SENP7: variants seen among roughly 807,000 people sequenced by gnomAD.
SENP7 encodes the protein sentrin-specific protease 7.
Under a neutral mutation model 141.2 loss-of-function variants are expected in SENP7, and 64 were observed. The ratio of observed to expected loss-of-function variants is 0.45; its 90% CI spans 0.37 to 0.56. The LOEUF (loss-of-function observed/expected upper bound fraction) is 0.56, where lower values mean the gene tolerates loss of function less well. SENP7 is among the 20% of genes least tolerant of loss of function. The pLI is 0.00. For missense variants in SENP7, 1,025 were observed against 1,212.2 expected, an observed-to-expected ratio of 0.85 and a Z score of 2.29; for synonymous variants, 382 against 426.4, an observed-to-expected ratio of 0.90 and a Z score of 1.28.
Position 101,493,876 on chromosome 3 carries a change from C to T in SENP7, c.183G>A (p.Leu61=), listed in dbSNP as rs1210434755. 1 of 1,574,046 alleles carries T rather than the reference C, an allele frequency of 6.4e-7. No individual in the cohort carries two copies. Among genetic ancestry groups the T allele is most frequent in the Admixed American group, 1.7e-5 (1 of 59,644 alleles). ...FRSSERWTLP[L]QWERSLRNKV... is the part of the protein sequence containing the mutation. ...ATAAATTAATTTTATTTACCACCTG[C>T]AAAGGGAGAGTCCAGCGTTCTGAGC... is the stretch of plus-strand genomic sequence containing the variant. Residue 61 remains leucine (L), a synonymous_variant, in exon 3 of 24, where the codon TTG becomes TTA. Transcript: ENST00000394095.
chr3:101,332,952 T>A, intron 17 of SENP7, 90 bp from the exon 18 acceptor site: 1 of 1,234,384 alleles, frequency 8.1e-7, no homozygotes, highest in Non-Finnish European at 1.1e-6. Context: ...TGAAATATCT[T>A]AAATTTAGTT....
chr3:101,412,945 T>C (rs2061496419), intron 5 of SENP7, among the ~76,000 whole-genome samples: 1 of 152,168 alleles, frequency 6.6e-6, no homozygotes, highest in Non-Finnish European at 1.5e-5. Flanking sequence ...CTTTTCTCCA[T>C]TACTTACAAG....
intron 4 of SENP7, among the ~76,000 whole-genome samples, chr3:101,442,883 G>A (rs1373774874): frequency 6.6e-6 from 1 of 152,084 alleles, no homozygotes; most frequent in East Asian, 1.9e-4. Flanking sequence ...CAGGACACAT[G>A]CTACATTATA....
rs1443006854 is a variant in SENP7 at position 101,361,701 on chromosome 3, G to T, written c.1623+14C>A. On this transcript the variant is annotated intron_variant, in intron 11 of 23. Transcript: ENST00000394095. The stretch of plus-strand genomic sequence containing the variant: ...AGATCCAAACTAAAAGAAAATTAAA[G>T]AAAATATACTTACTGTAACACAACC... 6.6e-7 allele frequency: 1 copy of T among 1,524,142 alleles called. No individual in the cohort carries two copies. The highest frequency in any genetic ancestry group is 2.4e-5 in the Admixed American group (1 of 42,052). The allele number at this position is 1,524,142 out of a possible 1,614,324, so 94.4% of individuals were successfully genotyped here.
intron 4 of SENP7, among the ~76,000 whole-genome samples, chr3:101,422,859 C>T (rs1211264351): frequency 6.6e-6 from 1 of 151,540 alleles, no homozygotes; most frequent in Non-Finnish European, 1.5e-5. Flanking sequence ...AAAAAAAATA[C>T]ACTGGTTTTC....
intron 11 of SENP7, among the ~76,000 whole-genome samples, chr3:101,360,378 T>C (rs1484880478): frequency 6.6e-6 from 1 of 152,226 alleles, no homozygotes; most frequent in Non-Finnish European, 1.5e-5. Flanking sequence ...CATTGATAGA[T>C]ATCCATTGCC....
intron 5 of SENP7, among the ~76,000 whole-genome samples, chr3:101,417,270 C>T (rs1027664679): frequency 4.6e-5 from 7 of 152,074 alleles, no homozygotes; most frequent in African/African-American, 1.7e-4. Flanking sequence ...TACATATACA[C>T]ACACGTATAT....
chr3:101,343,902 T>C lies in SENP7; in HGVS notation c.1890A>G (p.Arg630=). 6.2e-7 allele frequency: 1 copy of C among 1,611,404 alleles called. No individual in the cohort carries two copies. The highest frequency in any genetic ancestry group is 1.1e-5 in the South Asian group (1 of 90,846). The change falls in exon 14 of 24, where the codon AGA becomes AGG. Residue 630 remains arginine (R), a synonymous_variant. Transcript: ENST00000394095. ...FLELHNPVSQ[R]EELKLKDIMT... The stretch of plus-strand genomic sequence containing the variant: ...TAATATCTTTCAGCTTCAATTCTTC[T>C]CTTTGTGAAACAGGATTGTGTAGTT...
chr3:101,427,658 CT>C (rs988295793), intron 4 of SENP7, among the ~76,000 whole-genome samples: 6 of 151,564 alleles, frequency 4.0e-5, no homozygotes, highest in Admixed American at 6.6e-5. Flanking sequence ...TTTTCTTTTT[CT>C]TTTTTTTCTT....
intron 6 of SENP7, among the ~76,000 whole-genome samples, chr3:101,397,109 C>T (rs190708583): frequency 3.9e-5 from 6 of 152,230 alleles, no homozygotes; most frequent in African/African-American, 1.4e-4. Flanking sequence ...TCCCAAAGTG[C>T]TGGGATTACA....
intron 11 of SENP7, among the ~76,000 whole-genome samples, chr3:101,361,491 T>TC (rs1231226338): frequency 6.6e-6 from 1 of 152,142 alleles, no homozygotes; most frequent in East Asian, 1.9e-4. Flanking sequence ...TGATTTTTTT[T>TC]CACACATGAT....
intron 5 of SENP7, among the ~76,000 whole-genome samples, chr3:101,401,507 C>T (rs1286658454): frequency 6.9e-6 from 1 of 144,382 alleles, no homozygotes; most frequent in African/African-American, 2.6e-5. Context: ...CTAGCCTGGG[C>T]GACAGAGCAA....
At chr3:101,371,355 C>T (rs948242624) in intron 7 of SENP7, among the ~76,000 whole-genome samples, 3 of 152,070 alleles carry the variant, frequency 2.0e-5, no homozygotes, top group African/African-American at 7.2e-5. Context: ...AACAAAGAGA[C>T]TTCAACAACA....
intron 11 of SENP7, 101 bp downstream of exon 11, chr3:101,361,614 T>C: frequency 8.2e-7 from 1 of 1,226,746 alleles, no homozygotes; most frequent in East Asian, 2.9e-5. Flanking sequence ...ATAAAATAAA[T>C]CTTAATTCTA....
intron 12 of SENP7, among the ~76,000 whole-genome samples, chr3:101,350,625 C>T (rs2059588876): frequency 2.0e-5 from 3 of 151,890 alleles, no homozygotes; most frequent in Admixed American, 2.0e-4. Flanking sequence ...TAAATATTAA[C>T]TGTGAAAATC....
chr3:101,353,388 A>T (rs2107285705), intron 11 of SENP7, among the ~76,000 whole-genome samples: 1 of 152,004 alleles, frequency 6.6e-6, no homozygotes, highest in South Asian at 2.1e-4. Flanking sequence ...CCCCCATCAA[A>T]TGCTCGGGAG....
chr3:101,397,681 A>T (rs1402815824), intron 6 of SENP7, among the ~76,000 whole-genome samples: 1 of 152,244 alleles, frequency 6.6e-6, no homozygotes, highest in East Asian at 1.9e-4. Flanking sequence ...TTTGTTGTAG[A>T]TATTTAAAAA....
At chr3:101,406,561 C>T (rs901056594) in intron 5 of SENP7, among the ~76,000 whole-genome samples, 5 of 150,586 alleles carry the variant, frequency 3.3e-5, no homozygotes, top group African/African-American at 1.2e-4. Flanking sequence ...TGCACATGTA[C>T]CCTAAAACTT....
chr3:101,448,817 A>G (rs9847602), intron 4 of SENP7, among the ~76,000 whole-genome samples: 60,326 of 151,948 alleles, frequency 0.4, 12,493 homozygotes, highest in Admixed American at 0.53. Context: ...AAATCAGAGC[A>G]CCTCTCCTCC....
Sources: gnomAD v4.1 joint callset for allele counts (sites outside exome capture counted in the v4.1 genomes callset) on GRCh38, gnomAD v4.1.1 for gene constraint, MANE v1.5 for transcripts, NCBI Gene and HGNC (gene_info 2026-07-23, HGNC 2026-07-21) for gene names.